CPVL: variants seen among roughly 807,000 people sequenced by gnomAD.
The protein encoded by CPVL is carboxypeptidase vitellogenic like.
Under a neutral mutation model 63.7 loss-of-function variants are expected in CPVL, and 51 were observed. The observed-to-expected ratio is 0.80, with a 90% CI of 0.64 to 1.01. The LOEUF (loss-of-function observed/expected upper bound fraction) is 1.01. CPVL is among the 50% of genes least tolerant of loss of function. CPVL has a pLI of 0.00. For missense variants in CPVL, 530 were observed against 573.1 expected (o/e 0.92, Z 0.77); for synonymous variants, 195 against 206.0 (o/e 0.95, Z 0.46).
intron 12 of CPVL, chr7:29,012,340 A>C (rs150253126): frequency 1.3e-5 from 2 of 152,342 alleles, no homozygotes; most frequent in African/African-American, 4.8e-5. Context: ...ACACAGACAC[A>C]CTACTATCTA....
intron 1 of CPVL, among the ~76,000 whole-genome samples, chr7:29,127,173 C>A (rs1279926268): frequency 6.6e-6 from 1 of 152,136 alleles, no homozygotes; most frequent in African/African-American, 2.4e-5. Context: ...CAGTCTAGAG[C>A]TTTTCCTTGA....
intron 6 of CPVL, among the ~76,000 whole-genome samples, chr7:29,090,597 A>T (rs966104805): frequency 6.6e-6 from 1 of 152,242 alleles, no homozygotes; most frequent in Non-Finnish European, 1.5e-5. Context: ...CACCAGCACC[A>T]AGAACAGCAG....
At chr7:29,015,263 C>T (rs1786290016) in intron 12 of CPVL, among the ~76,000 whole-genome samples, 1 of 152,182 alleles carries the variant, frequency 6.6e-6, no homozygotes, top group South Asian at 2.1e-4. Context: ...ACCACACCAC[C>T]GCCTTGCCAC....
chr7:29,064,504 T>C (rs1055302012), intron 10 of CPVL, among the ~76,000 whole-genome samples: 20 of 152,174 alleles, frequency 1.3e-4, no homozygotes, highest in African/African-American at 4.1e-4. Flanking sequence ...ACTAATCTTT[T>C]GCAATCTGTG....
intron 5 of CPVL, among the ~76,000 whole-genome samples, chr7:29,167,600 AAGT>A (rs1796080802): frequency 6.6e-6 from 1 of 152,208 alleles, no homozygotes; most frequent in African/African-American, 2.4e-5. Context: ...TTGTTTTTTA[AAGT>A]AGTGGTACCA....
In CPVL at chr7:29,030,612, C is replaced by T. The variant is rs1217746337; in HGVS notation, c.1285G>A (p.Ala429Thr). ...TCACCCGCTTGCCGGATGTAACCAGCCACTTCACTGTCAGATTTAAAGATC... is the reference window on the plus strand; with the variant it reads ...TCACCCGCTTGCCGGATGTAACCAGTCACTTCACTGTCAGATTTAAAGATC... The part of the protein sequence containing the change: ...WKIFKSDSEV[A>T]GYIRQAGDFH... The change falls in exon 12 of 13, where the codon GCT becomes ACT. Residue 429 changes from alanine (A) to threonine (T), a missense_variant. Coordinates refer to ENST00000265394, the MANE Select transcript of CPVL (RefSeq NM_031311.5). 1.2e-6 allele frequency: 2 copies of T among 1,613,450 alleles called. No homozygotes were observed. Among genetic ancestry groups the T allele is most frequent in the East Asian group, 2.2e-5 (1 of 44,850 alleles).
rs760667487 is a variant in CPVL, at chr7:29,086,494, A to C, written c.599T>G (p.Val200Gly). The C allele has an allele frequency of 6.2e-7, 1 of 1,611,194 alleles. No homozygotes were observed. Among genetic ancestry groups the C allele is most frequent in the Non-Finnish European group, 8.5e-7 (1 of 1,177,424 alleles). Residue 200 changes from valine (V) to glycine (G), a missense_variant, in exon 7 of 13, where the codon GTC becomes GGC. By Grantham distance (109) the Val-to-Gly change is moderately radical. Coordinates refer to ENST00000265394, the MANE Select transcript of CPVL (RefSeq NM_031311.5). The part of the protein sequence containing the change: ...FPEYKNNDFY[V>G]TGESYAGKYV... ...GTGACTTCTACTTACCTCCCCAGTGACATAAAAGTCATTATTTTTATATTC... is the reference window on the plus strand; with the variant it reads ...GTGACTTCTACTTACCTCCCCAGTGCCATAAAAGTCATTATTTTTATATTC...
At chr7:29,120,633 C>A (rs893618312) in intron 2 of CPVL, among the ~76,000 whole-genome samples, 4 of 151,728 alleles carry the variant, frequency 2.6e-5, no homozygotes, top group African/African-American at 9.7e-5. Flanking sequence ...ACCATCCTGG[C>A]CAACATGGTG....
intron 1 of CPVL, among the ~76,000 whole-genome samples, chr7:29,123,462 C>T (rs953770480): frequency 6.6e-6 from 1 of 150,866 alleles, no homozygotes; most frequent in African/African-American, 2.4e-5. Context: ...CCCAAGAAGC[C>T]CCAGGGTAAT....
intron 12 of CPVL, among the ~76,000 whole-genome samples, chr7:29,021,300 A>G (rs757702409): frequency 2.6e-4 from 40 of 152,310 alleles, no homozygotes; most frequent in Admixed American, 7.8e-4. Flanking sequence ...AAGTAATCCC[A>G]TATCTACTTT....
At chr7:29,015,083 A>G (rs1350268552) in intron 12 of CPVL, among the ~76,000 whole-genome samples, 1 of 152,226 alleles carries the variant, frequency 6.6e-6, no homozygotes, top group East Asian at 1.9e-4. Flanking sequence ...AAACAAACAA[A>G]AGTTAATGTG....
chr7:29,000,493 C>T (rs1022485321), intron 12 of CPVL, among the ~76,000 whole-genome samples: 6 of 151,876 alleles, frequency 4.0e-5, no homozygotes, highest in Admixed American at 3.9e-4. Flanking sequence ...GAGGGATCAC[C>T]GCAGACAAAG....
chr7:29,136,207 T>C (rs1791209048), intron 1 of CPVL, among the ~76,000 whole-genome samples: 1 of 152,152 alleles, frequency 6.6e-6, no homozygotes, highest in African/African-American at 2.4e-5. Context: ...TTGTAAAAAA[T>C]CATATCAATA....
At chr7:29,040,934 C>T (rs1789014876) in intron 11 of CPVL, among the ~76,000 whole-genome samples, 1 of 152,084 alleles carries the variant, frequency 6.6e-6, no homozygotes, top group African/African-American at 2.4e-5. Context: ...AGCTCCCTAC[C>T]TAGAACAGCA....
intron 5 of CPVL, among the ~76,000 whole-genome samples, chr7:29,171,024 A>G (rs140966931): frequency 1.1e-3 from 160 of 152,290 alleles, no homozygotes; most frequent in Non-Finnish European, 1.8e-3. Flanking sequence ...GTGTGGGGAC[A>G]CAGCCAAACC....
intron 12 of CPVL, among the ~76,000 whole-genome samples, chr7:29,006,096 C>G (rs1785165549): frequency 6.6e-6 from 1 of 152,210 alleles, no homozygotes. Flanking sequence ...ATAGTTCTAG[C>G]AGCAGTGTGT....
chr7:29,120,916 A>G lies in CPVL; in HGVS notation c.146T>C (p.Ile49Thr), dbSNP rs1052334534. The change falls in exon 2 of 13, where the codon ATT becomes ACT. Residue 49 changes from isoleucine to threonine, a missense_variant. Physicochemically the swap from Ile to Thr is moderately conservative, Grantham distance 89. Coordinates refer to ENST00000265394, the MANE Select transcript of CPVL (RefSeq NM_031311.5). ...ACCTTTTTGGATCTTCCCAGCTTCA[A>G]TGTAAGGGGTGAGAAATAATGGCTG... ...SGQPLFLTPY[I>T]EAGKIQKGRE... The G allele has an allele frequency of 6.8e-6, 11 of 1,613,574 alleles. No individual in the cohort carries two copies. Among genetic ancestry groups the G allele is most frequent in the African/African-American group, 6.7e-5 (5 of 74,864 alleles).
chr7:29,121,892 C>A (rs1789423703), intron 1 of CPVL, among the ~76,000 whole-genome samples: 1 of 152,044 alleles, frequency 6.6e-6, no homozygotes, highest in Non-Finnish European at 1.5e-5. Context: ...CTACAACTAC[C>A]CTTAGGTTCC....
At chr7:29,020,950 T>C (rs112514342) in intron 12 of CPVL, among the ~76,000 whole-genome samples, 2 of 152,104 alleles carry the variant, frequency 1.3e-5, no homozygotes, top group African/African-American at 4.8e-5. Context: ...CCAAGGTGGG[T>C]GGATCACTTG....
Sources: allele counts gnomAD v4.1 joint callset (sites outside exome capture counted in the v4.1 genomes callset), GRCh38; gene constraint gnomAD v4.1.1; transcripts MANE v1.5; gene names NCBI Gene and HGNC (gene_info 2026-07-23, HGNC 2026-07-21).